The following GPHN variants were observed in gnomAD, a reference collection of about 807,000 sequenced individuals.
GPHN encodes the protein gephyrin.
In GPHN, 17 loss-of-function variants were observed where a neutral mutation model predicts 95.5. The ratio of observed to expected loss-of-function variants is 0.18; its 90% CI spans 0.12 to 0.27. The LOEUF (loss-of-function observed/expected upper bound fraction) is 0.27. Among genes scored for constraint, GPHN ranks in the 10% least tolerant of loss-of-function variants. GPHN has a pLI of 1.00. For synonymous variants in GPHN, 320 were observed against 322.5 expected, an observed-to-expected ratio of 0.99 and a Z score of 0.08; for missense variants, 660 against 978.1, an observed-to-expected ratio of 0.67 and a Z score of 4.34.
chr14:67,014,095 C>T (rs760645673), intron 9 of GPHN, among the ~76,000 whole-genome samples: 2 of 151,564 alleles, frequency 1.3e-5, no homozygotes, highest in Non-Finnish European at 2.9e-5. Context: ...ATCACACACA[C>T]GCAAAACAAA....
At chr14:67,018,996 GATGTAC>G (rs1021894210) in intron 9 of GPHN, among the ~76,000 whole-genome samples, 7 of 152,112 alleles carry the variant, frequency 4.6e-5, no homozygotes, top group African/African-American at 1.7e-4. Context: ...ACTAAATTGG[GATGTAC>G]ACATGAATCA....
At chr14:66,545,445 C>A (rs1293325649) in intron 1 of GPHN, among the ~76,000 whole-genome samples, 2 of 140,872 alleles carry the variant, frequency 1.4e-5, no homozygotes, top group Non-Finnish European at 3.1e-5. Context: ...TCCTCACTTT[C>A]CAGTAGGGGT....
chr14:66,612,428 A>G (rs1298199693), intron 1 of GPHN, among the ~76,000 whole-genome samples: 1 of 152,002 alleles, frequency 6.6e-6, no homozygotes, highest in Non-Finnish European at 1.5e-5. Context: ...TGGAAAATTT[A>G]GGGACTATAC....
chr14:66,725,373 C>T (rs116846866), intron 2 of GPHN, among the ~76,000 whole-genome samples: 1,831 of 152,148 alleles, frequency 0.012, 18 homozygotes, highest in Non-Finnish European at 0.018. Flanking sequence ...TCTTTTTTTC[C>T]CTTCATATTT....
intron 1 of GPHN, among the ~76,000 whole-genome samples, chr14:66,604,085 C>T (rs1400876748): frequency 6.6e-6 from 1 of 152,062 alleles, no homozygotes; most frequent in Admixed American, 6.6e-5. Flanking sequence ...CATAACATTG[C>T]ATGAACTATA....
the GPHN span, among the ~76,000 whole-genome samples, chr14:67,350,107 T>C: frequency 9.2e-5 from 14 of 152,246 alleles, no homozygotes; most frequent in Non-Finnish European, 1.6e-4. Context: ...TTGCAAGCTA[T>C]TTTGTATGCT....
At chr14:67,699,443 T>C in the GPHN span, among the ~76,000 whole-genome samples, 2 of 151,370 alleles carry the variant, frequency 1.3e-5, no homozygotes, top group African/African-American at 4.8e-5. Context: ...ATAAATAAAA[T>C]AGGCAGTGTA....
chr14:67,062,610 C>CAA (rs1252851699), intron 11 of GPHN, among the ~76,000 whole-genome samples: 1 of 448 alleles, frequency 2.2e-3, no homozygotes, highest in Non-Finnish European at 5.2e-3. Context: ...GAAGGAATTT[C>CAA]AGAGTATAGT....
chr14:67,589,824 A>T, the GPHN span: 2 of 1,175,966 alleles, frequency 1.7e-6, no homozygotes, highest in African/African-American at 3.2e-5. Context: ...ATTACTTTTG[A>T]CATACTGTGT....
At chr14:67,680,936 G>A in the GPHN span, among the ~76,000 whole-genome samples, 12 of 152,170 alleles carry the variant, frequency 7.9e-5, no homozygotes, top group South Asian at 2.1e-4. Context: ...ACAAATGAAC[G>A]GAACAGAAAA....
At chr14:67,642,121 C>T in the GPHN span, 2 of 1,487,962 alleles carry the variant, frequency 1.3e-6, no homozygotes, top group Non-Finnish European at 1.9e-6. Context: ...TCATTGTGGC[C>T]CAGGCTAGTT....
chr14:66,514,096 T>C (rs929047921), intron 1 of GPHN, among the ~76,000 whole-genome samples: 2 of 151,994 alleles, frequency 1.3e-5, no homozygotes, highest in African/African-American at 4.8e-5. Flanking sequence ...CTATAAGGCT[T>C]AGAATCTAAG....
At chr14:66,921,420 A>G (rs1473601996) in intron 6 of GPHN, among the ~76,000 whole-genome samples, 2 of 146,678 alleles carry the variant, frequency 1.4e-5, no homozygotes, top group Non-Finnish European at 3.0e-5. Context: ...TGTTCATGTC[A>G]TTAGCCCACT....
At chr14:67,486,600 T>G in the GPHN span, among the ~76,000 whole-genome samples, 1 of 152,136 alleles carries the variant, frequency 6.6e-6, no homozygotes, top group African/African-American at 2.4e-5. Flanking sequence ...AGGGAGAGTT[T>G]CCCTGCACAA....
intron 18 of GPHN, among the ~76,000 whole-genome samples, chr14:67,147,220 C>T (rs998169531): frequency 2.0e-5 from 3 of 152,178 alleles, no homozygotes; most frequent in South Asian, 4.1e-4. Flanking sequence ...ACCTCAGAAG[C>T]CTGTACTCAA....
chr14:67,579,184 C>A, the GPHN span: 2 of 1,609,592 alleles, frequency 1.2e-6, no homozygotes. Context: ...GTGGAGCGGA[C>A]CCTGCGGACC....
the GPHN span, among the ~76,000 whole-genome samples, chr14:67,712,770 C>T: frequency 6.6e-6 from 1 of 152,070 alleles, no homozygotes; most frequent in African/African-American, 2.4e-5. Context: ...AAAAAGAAGG[C>T]AGAACTTTAG....
At chr14:67,418,014 G>T in the GPHN span, among the ~76,000 whole-genome samples, 1 of 152,194 alleles carries the variant, frequency 6.6e-6, no homozygotes, top group African/African-American at 2.4e-5. Flanking sequence ...CCAAAGTGCT[G>T]GGTGTATAGG....
chr14:67,397,719 C>T, the GPHN span: 1 of 1,613,554 alleles, frequency 6.2e-7, no homozygotes, highest in Non-Finnish European at 8.5e-7. Context: ...CCAGGAGGAT[C>T]CGGCCCTTGG....
Sources: gnomAD v4.1 joint callset for allele counts (sites outside exome capture counted in the v4.1 genomes callset) on GRCh38, gnomAD v4.1.1 for gene constraint, MANE v1.5 for transcripts, NCBI Gene and HGNC (gene_info 2026-07-23, HGNC 2026-07-21) for gene names.